Variants in SLC35G2 observed in about 807,000 individuals in gnomAD.
SLC35G2 encodes transmembrane protein 22.
A neutral mutation model predicts 27.2 loss-of-function variants in SLC35G2; 20 were observed. The observed-to-expected ratio is 0.74, with a 90% confidence interval of 0.52 to 1.07. The LOEUF (loss-of-function observed/expected upper bound fraction) is 1.07. Ranked by LOEUF, SLC35G2 falls within the 50% of genes least tolerant of loss-of-function variation. SLC35G2 has a pLI of 0.00. For missense variants in SLC35G2, 416 were observed against 493.3 expected (o/e 0.84, Z 1.48); for synonymous variants, 148 against 165.3 (o/e 0.90, Z 0.80).
intron 1 of SLC35G2, chr3:136,838,151 G>A (rs777509671): frequency 6.6e-6 from 1 of 151,626 alleles, no homozygotes; most frequent in Non-Finnish European, 1.5e-5. Flanking sequence ...ATTAACTCTT[G>A]ATGAGGTGAA....
intron 1 of SLC35G2, chr3:136,820,052 C>G (rs571919419): frequency 6.6e-6 from 1 of 152,244 alleles, no homozygotes; most frequent in South Asian, 2.1e-4. Context: ...GAAAGAGACT[C>G]GTGTTGCGGC....
In SLC35G2 at chr3:136,855,373, A is replaced by G. The variant is rs140162609; in HGVS notation, c.913A>G (p.Ile305Val). 2 of 1,614,066 alleles carry G rather than the reference A, an allele frequency of 1.2e-6. No individual in the cohort carries two copies. Among genetic ancestry groups the G allele is most frequent in the African/African-American group, 2.7e-5 (2 of 74,952 alleles). ...GTIWGISTMF[I>V]LQEPIIPLDG... is the part of the protein sequence containing the mutation. ...AATTTGGGGAATATCTACTATGTTTATTCTTCAAGAACCCATCATCCCATT... is the reference window on the plus strand; with the variant it reads ...AATTTGGGGAATATCTACTATGTTTGTTCTTCAAGAACCCATCATCCCATT... The change falls in exon 2 of 2, where the codon ATT (isoleucine) becomes GTT (valine). Residue 305 changes from isoleucine (I) to valine (V), a missense_variant. By Grantham distance (29) the Ile-to-Val change is conservative. Transcript: ENST00000446465.
At chr3:136,838,265 A>ATG (rs1231976172) in intron 1 of SLC35G2, 1 of 12,446 alleles carries the variant, frequency 8.0e-5, no homozygotes, top group Non-Finnish European at 1.9e-4. Flanking sequence ...ATATATATAT[A>ATG]TATATATATA....
chr3:136,841,635 G>A (rs927356813), intron 1 of SLC35G2: 2 of 152,190 alleles, frequency 1.3e-5, no homozygotes, highest in Admixed American at 6.5e-5. Flanking sequence ...GGAGGCTGAG[G>A]CAGGAGAATT....
intron 1 of SLC35G2, among the ~76,000 whole-genome samples, chr3:136,821,587 G>A (rs1314563474): frequency 1.3e-5 from 2 of 151,898 alleles, no homozygotes; most frequent in Admixed American, 6.6e-5. Flanking sequence ...GCTGGCCACC[G>A]CACCCAGCTA....
In SLC35G2 at chr3:136,852,829, G is replaced by A. The variant is rs536867418; in HGVS notation, c.-18-1614G>A. Among the ~76,000 whole-genome samples the A allele has an allele frequency of 2.6e-5, 4 of 151,968 alleles. No individual in the cohort carries two copies. The East Asian group carries it at 7.7e-4, about 29-fold the overall frequency. On this transcript the variant is annotated intron_variant, in intron 1 of 1. Transcript: ENST00000446465. ...TTTTAAGCGGGAGGAGAGGATCATT[G>A]GGAGGGAAATAGGAAATTGTTGAAA...
chr3:136,836,996 G>C (rs1305116900), intron 1 of SLC35G2, among the ~76,000 whole-genome samples: 1 of 152,128 alleles, frequency 6.6e-6, no homozygotes, highest in African/African-American at 2.4e-5. Flanking sequence ...GTTCAGGTCA[G>C]ATTTTTCCAA....
intron 1 of SLC35G2, among the ~76,000 whole-genome samples, chr3:136,849,681 C>A (rs113693158): frequency 2.6e-5 from 4 of 151,450 alleles, no homozygotes; most frequent in Admixed American, 6.6e-5. Flanking sequence ...TTAGTAGAGA[C>A]GAGGTTTTAC....
At chr3:136,823,788 T>C (rs2107994716) in intron 1 of SLC35G2, among the ~76,000 whole-genome samples, 1 of 150,726 alleles carries the variant, frequency 6.6e-6, no homozygotes, top group South Asian at 2.1e-4. Flanking sequence ...GTATTTTTAG[T>C]AGAGATGGGG....
At chr3:136,844,324 C>T (rs1041366101) in intron 1 of SLC35G2, among the ~76,000 whole-genome samples, 3 of 151,536 alleles carry the variant, frequency 2.0e-5, no homozygotes, top group African/African-American at 7.3e-5. Flanking sequence ...CCTGTCTCTA[C>T]TAAAAATATA....
At chr3:136,835,855 G>C (rs1188912210) in intron 1 of SLC35G2, among the ~76,000 whole-genome samples, 1 of 152,068 alleles carries the variant, frequency 6.6e-6, no homozygotes, top group South Asian at 2.1e-4. Flanking sequence ...CCAGCCATTG[G>C]GATACCCTTC....
chr3:136,835,137 G>T (rs1936830545), intron 1 of SLC35G2, among the ~76,000 whole-genome samples: 1 of 152,050 alleles, frequency 6.6e-6, no homozygotes, highest in East Asian at 1.9e-4. Flanking sequence ...TTTGTCATTT[G>T]TCCTAACAAT....
At chr3:136,845,841 G>A (rs1384391069) in intron 1 of SLC35G2, among the ~76,000 whole-genome samples, 7 of 150,816 alleles carry the variant, frequency 4.6e-5, no homozygotes, top group Admixed American at 4.0e-4. Flanking sequence ...TGATCTGCCC[G>A]CCTCGGCCTC....
intron 1 of SLC35G2, among the ~76,000 whole-genome samples, chr3:136,836,801 A>G (rs1227928762): frequency 5.9e-5 from 9 of 152,226 alleles, no homozygotes; most frequent in African/African-American, 1.9e-4. Context: ...AGTACATTTC[A>G]TTAAGATGTA....
intron 1 of SLC35G2, chr3:136,839,027 T>C (rs1035016232): frequency 2.0e-5 from 3 of 152,056 alleles, no homozygotes; most frequent in South Asian, 4.2e-4. Context: ...CTTCTCCCCC[T>C]TCTAGTGATG....
At chr3:136,822,772 T>C (rs959629501) in intron 1 of SLC35G2, among the ~76,000 whole-genome samples, 2 of 152,236 alleles carry the variant, frequency 1.3e-5, no homozygotes, top group Admixed American at 1.3e-4. Context: ...CTCATTCTTT[T>C]TTATGCCTAA....
At chr3:136,827,184 A>C (rs1290300086) in intron 1 of SLC35G2, among the ~76,000 whole-genome samples, 1 of 150,714 alleles carries the variant, frequency 6.6e-6, no homozygotes, top group Non-Finnish European at 1.5e-5. Context: ...TTTCTGCTCT[A>C]ATCTTTATTA....
intron 1 of SLC35G2, among the ~76,000 whole-genome samples, chr3:136,821,530 T>C (rs1178911185): frequency 6.6e-6 from 1 of 152,176 alleles, no homozygotes; most frequent in Non-Finnish European, 1.5e-5. Context: ...CACTGCAACC[T>C]CTGCCTCCCG....
chr3:136,847,595 A>C (rs1365869514), intron 1 of SLC35G2, among the ~76,000 whole-genome samples: 2 of 152,072 alleles, frequency 1.3e-5, no homozygotes, highest in Non-Finnish European at 2.9e-5. Flanking sequence ...AAAAGAAAAA[A>C]AAAATTGGCT....
Sources: allele counts gnomAD v4.1 joint callset (sites outside exome capture counted in the v4.1 genomes callset), GRCh38; gene constraint gnomAD v4.1.1; transcripts MANE v1.5; gene names NCBI Gene and HGNC (gene_info 2026-07-23, HGNC 2026-07-21).